The following N4BP2L2 variants were observed in gnomAD, a reference collection of about 807,000 sequenced individuals.
N4BP2L2 encodes the protein NEDD4-binding protein 2-like 2.
In N4BP2L2, 50 loss-of-function variants were observed where a neutral mutation model predicts 56.2. The observed-to-expected ratio is 0.89, with a 90% confidence interval of 0.71 to 1.13. N4BP2L2 has a LOEUF of 1.13. Among genes scored for constraint, N4BP2L2 ranks in the 50% most tolerant of loss-of-function variants. The pLI, the probability that N4BP2L2 is intolerant of heterozygous loss-of-function variation, is 0.00. For synonymous variants in N4BP2L2, 203 were observed against 223.6 expected (o/e 0.91, Z 0.82); for missense variants, 689 against 693.8 (o/e 0.99, Z 0.08).
At chr13:32,517,827 C>G (rs752218341) in exon 6 of N4BP2L2, 1 of 1,613,554 alleles carries the variant, frequency 6.2e-7, no homozygotes, top group Admixed American at 1.7e-5. Context: ...GACACAGACA[C>G]GATTATGTGA....
exon 6 of N4BP2L2, chr13:32,516,205 C>A (rs557928523): frequency 2.7e-4 from 41 of 152,088 alleles, no homozygotes; most frequent in Admixed American, 2.6e-3. Context: ...AAACACAAGT[C>A]CAAACACCAA....
chr13:32,501,235 A>C (rs1431321195), intron 6 of N4BP2L2, among the ~76,000 whole-genome samples: 1 of 152,078 alleles, frequency 6.6e-6, no homozygotes, highest in African/African-American at 2.4e-5. Context: ...ATTCTGAATG[A>C]GTCATTTCAC....
chr13:32,535,991 C>T, exon 2 of N4BP2L2: 1 of 1,613,992 alleles, frequency 6.2e-7, no homozygotes, highest in Non-Finnish European at 8.5e-7. Context: ...GGGATGAACA[C>T]TACTCCTATT....
At chr13:32,491,684 T>C (rs1014132045) in intron 6 of N4BP2L2, among the ~76,000 whole-genome samples, 1 of 148,646 alleles carries the variant, frequency 6.7e-6, no homozygotes, top group East Asian at 2.0e-4. Flanking sequence ...CAGGCTGGAG[T>C]GCAGTGGCGC....
chr13:32,439,541 C>A (rs890852270), intron 7 of N4BP2L2, among the ~76,000 whole-genome samples: 2 of 151,922 alleles, frequency 1.3e-5, no homozygotes, highest in Non-Finnish European at 2.9e-5. Flanking sequence ...GACTTCTCCC[C>A]AAAAAAATGG....
chr13:32,534,749 T>G (rs1210026261), intron 2 of N4BP2L2, among the ~76,000 whole-genome samples: 1 of 152,214 alleles, frequency 6.6e-6, no homozygotes, highest in Non-Finnish European at 1.5e-5. Flanking sequence ...TATAAAACAT[T>G]TGCAAAATGG....
intron 6 of N4BP2L2, among the ~76,000 whole-genome samples, chr13:32,480,124 C>T (rs2084287538): frequency 6.6e-6 from 1 of 152,048 alleles, no homozygotes; most frequent in Non-Finnish European, 1.5e-5. Context: ...TAAAATCAGC[C>T]AGAAAATGAC....
intron 6 of N4BP2L2, among the ~76,000 whole-genome samples, chr13:32,504,197 C>T (rs1309494314): frequency 1.3e-5 from 2 of 152,170 alleles, no homozygotes; most frequent in African/African-American, 4.8e-5. Flanking sequence ...GGAAATGTCT[C>T]CAAAGTGCTT....
At chr13:32,482,890 C>T (rs564385207) in intron 6 of N4BP2L2, among the ~76,000 whole-genome samples, 20 of 152,224 alleles carry the variant, frequency 1.3e-4, no homozygotes, top group African/African-American at 4.8e-4. Flanking sequence ...ACAATATTAC[C>T]TTTTGCATTG....
At chr13:32,489,512 T>C (rs1250962153) in intron 6 of N4BP2L2, among the ~76,000 whole-genome samples, 1 of 152,234 alleles carries the variant, frequency 6.6e-6, no homozygotes, top group East Asian at 1.9e-4. Context: ...TTCCTGAAAC[T>C]TAAATTCCTC....
chr13:32,508,846 T>C (rs1336549598), downstream of N4BP2L2: 1 of 152,212 alleles, frequency 6.6e-6, no homozygotes, highest in Non-Finnish European at 1.5e-5. Flanking sequence ...ATGAACTTTT[T>C]GTTGAACCAT....
At chr13:32,532,896 T>TTAA (rs386363489) in intron 2 of N4BP2L2, among the ~76,000 whole-genome samples, 7 of 145,444 alleles carry the variant, frequency 4.8e-5, no homozygotes, top group Non-Finnish European at 1.1e-4. Context: ...GGCCTTTTTT[T>TTAA]AAAAAAAAAA....
chr13:32,533,802 T>C (rs1367539762), intron 2 of N4BP2L2, among the ~76,000 whole-genome samples: 1 of 152,164 alleles, frequency 6.6e-6, no homozygotes, highest in Non-Finnish European at 1.5e-5. Context: ...CTCTATTATT[T>C]TGTCAAAGCT....
chr13:32,501,558 T>C (rs1018632629), intron 6 of N4BP2L2, among the ~76,000 whole-genome samples: 2 of 152,132 alleles, frequency 1.3e-5, no homozygotes, highest in African/African-American at 4.8e-5. Context: ...CTCACGCCTG[T>C]AATCCCAGCA....
At chr13:32,474,736 A>G (rs1019268660) in intron 6 of N4BP2L2, among the ~76,000 whole-genome samples, 2 of 152,176 alleles carry the variant, frequency 1.3e-5, no homozygotes, top group African/African-American at 4.8e-5. Flanking sequence ...GCCATAGACC[A>G]TGTGATAAAA....
chr13:32,498,698 A>AT (rs1178954697), intron 6 of N4BP2L2, among the ~76,000 whole-genome samples: 2 of 151,782 alleles, frequency 1.3e-5, no homozygotes, highest in African/African-American at 4.8e-5. Flanking sequence ...ATGGACTGGA[A>AT]TTTTTTTAAA....
At chr13:32,441,948 C>T (rs942190865) in intron 7 of N4BP2L2, among the ~76,000 whole-genome samples, 103 of 150,448 alleles carry the variant, frequency 6.8e-4, no homozygotes, top group African/African-American at 2.1e-3. Context: ...TGGTGGCGGG[C>T]GCCTGTAGTC....
At chr13:32,451,921 C>G (rs2078100962) in intron 6 of N4BP2L2, among the ~76,000 whole-genome samples, 1 of 152,128 alleles carries the variant, frequency 6.6e-6, no homozygotes, top group Non-Finnish European at 1.5e-5. Context: ...TTTCTCCCCC[C>G]AGCAAGGGAA....
chr13:32,473,516 A>C (rs1207119945), intron 6 of N4BP2L2, among the ~76,000 whole-genome samples: 1 of 152,152 alleles, frequency 6.6e-6, no homozygotes, highest in Non-Finnish European at 1.5e-5. Flanking sequence ...AGTCACCACA[A>C]ATTTGGTGGC....
Sources: gnomAD v4.1 joint callset for allele counts (sites outside exome capture counted in the v4.1 genomes callset) on GRCh38, gnomAD v4.1.1 for gene constraint, MANE v1.5 for transcripts, NCBI Gene and HGNC (gene_info 2026-07-23, HGNC 2026-07-21) for gene names.